Variants in CNIH3 observed in about 807,000 individuals in gnomAD.
The protein encoded by CNIH3 is protein cornichon homolog 3.
Under a neutral mutation model 24.1 loss-of-function variants are expected in CNIH3, and 14 were observed. The observed-to-expected ratio is 0.58, with a 90% confidence interval of 0.38 to 0.91. The LOEUF (loss-of-function observed/expected upper bound fraction) is 0.91. Among genes scored for constraint, CNIH3 ranks in the 40% least tolerant of loss-of-function variants. The pLI, the probability that CNIH3 is intolerant of heterozygous loss-of-function variation, is 0.00. For synonymous variants in CNIH3, 68 were observed against 73.8 expected, an observed-to-expected ratio of 0.92 and a Z score of 0.40; for missense variants, 178 against 196.8, an observed-to-expected ratio of 0.90 and a Z score of 0.57.
At chr1:224,590,686 C>A (rs548784634), downstream of CNIH3, among the ~76,000 whole-genome samples, 2 of 152,152 alleles carry the variant, frequency 1.3e-5, no homozygotes, top group Admixed American at 6.5e-5. Flanking sequence ...TAAACACCCC[C>A]CCTTAGGTCT....
chr1:224,503,655 C>T (rs1177398866), intron 1 of CNIH3, among the ~76,000 whole-genome samples: 2 of 152,238 alleles, frequency 1.3e-5, no homozygotes, highest in Non-Finnish European at 2.9e-5. Flanking sequence ...CCGCACAGGG[C>T]TGCCTGGTGT....
At chr1:224,533,486 A>G (rs1169446984) in intron 2 of CNIH3, among the ~76,000 whole-genome samples, 1 of 152,082 alleles carries the variant, frequency 6.6e-6, no homozygotes, top group African/African-American at 2.4e-5. Flanking sequence ...AAATCACCAC[A>G]AATTGGGTGG....
intron 3 of CNIH3, among the ~76,000 whole-genome samples, chr1:224,709,032 G>A (rs996216313): frequency 1.3e-5 from 2 of 152,224 alleles, no homozygotes; most frequent in African/African-American, 4.8e-5. Context: ...ATCAGCTGGA[G>A]TGGGTAGCTG....
chr1:224,550,070 T>A (rs1679853686), intron 3 of CNIH3, among the ~76,000 whole-genome samples: 1 of 152,084 alleles, frequency 6.6e-6, no homozygotes, highest in Non-Finnish European at 1.5e-5. Flanking sequence ...CTACAGTTGT[T>A]AATGTCACAG....
intron 1 of CNIH3, among the ~76,000 whole-genome samples, chr1:224,644,854 G>A (rs892354960): frequency 6.6e-6 from 1 of 152,226 alleles, no homozygotes; most frequent in Non-Finnish European, 1.5e-5. Context: ...TTGCTTAAGC[G>A]TAAGCAGCCA....
intron 1 of CNIH3, among the ~76,000 whole-genome samples, chr1:224,447,536 T>G (rs2102957482): frequency 6.6e-6 from 1 of 152,344 alleles, no homozygotes; most frequent in African/African-American, 2.4e-5. Context: ...GAAACAGTGC[T>G]TCACCAGTTC....
At chr1:224,724,530 C>T (rs574785269) in intron 3 of CNIH3, among the ~76,000 whole-genome samples, 5 of 152,304 alleles carry the variant, frequency 3.3e-5, no homozygotes, top group East Asian at 1.9e-4. Context: ...TGACTTCGTC[C>T]GGGGCATCCC....
At position 224,704,146 on chromosome 1, in the gene CNIH3, G is replaced by T. The variant is rs1687653110; in HGVS notation, c.198+19303G>T. Among the ~76,000 whole-genome samples, 1 of 149,602 alleles carries T rather than the reference G, an allele frequency of 6.7e-6. No homozygotes were observed. The highest frequency in any genetic ancestry group is 2.1e-4 in the South Asian group (1 of 4,826). ...AGGGTGGCAGGTGGAAGGACGGTGTGTGTCCTGCCTGGTGTGAGCAGGCTG... is the reference window on the plus strand; with the variant it reads ...AGGGTGGCAGGTGGAAGGACGGTGTTTGTCCTGCCTGGTGTGAGCAGGCTG... On this transcript the variant is annotated intron_variant, in intron 3 of 5. Coordinates refer to ENST00000272133, the MANE Select transcript of CNIH3 (RefSeq NM_152495.2). This position sits in a 1 kb window ranked among gnomAD's most constrained non-coding sequence, Gnocchi z 4.2.
chr1:224,723,221 G>A (rs1275007469), intron 3 of CNIH3, among the ~76,000 whole-genome samples: 1 of 152,186 alleles, frequency 6.6e-6, no homozygotes, highest in African/African-American at 2.4e-5. Flanking sequence ...AGCATGTGTG[G>A]CTGGTTGCTG....
chr1:224,546,459 G>A (rs576874311), intron 2 of CNIH3, among the ~76,000 whole-genome samples: 78 of 152,296 alleles, frequency 5.1e-4, no homozygotes, highest in East Asian at 1.9e-4. Context: ...AGCCCAGCAC[G>A]TTGTAGTCAA....
intron 1 of CNIH3, among the ~76,000 whole-genome samples, chr1:224,473,550 C>A (rs1454764138): frequency 6.6e-6 from 1 of 151,924 alleles, no homozygotes; most frequent in Non-Finnish European, 1.5e-5. Context: ...TAAAAAGCGA[C>A]AAAAAGGTCA....
intron 3 of CNIH3, among the ~76,000 whole-genome samples, chr1:224,713,254 G>A (rs2125205690): frequency 6.6e-6 from 1 of 152,274 alleles, no homozygotes; most frequent in Non-Finnish European, 1.5e-5. Context: ...TTGTTTTACT[G>A]AAAAGCCAAC....
chr1:224,719,943 A>G (rs1261138333), intron 3 of CNIH3, among the ~76,000 whole-genome samples: 1 of 152,222 alleles, frequency 6.6e-6, no homozygotes, highest in Non-Finnish European at 1.5e-5. Flanking sequence ...ACACATATGC[A>G]TGTGCTCGAA....
chr1:224,593,393 G>A (rs1312820712), downstream of CNIH3, among the ~76,000 whole-genome samples: 1 of 152,128 alleles, frequency 6.6e-6, no homozygotes, highest in African/African-American at 2.4e-5. Flanking sequence ...GGCCAAGCTG[G>A]TCCATACCTG....
upstream of CNIH3, chr1:224,615,431 G>A (rs1682910035): frequency 6.6e-6 from 1 of 152,196 alleles, no homozygotes. Flanking sequence ...TGGGCCACTG[G>A]GGGAAAGGGT....
intron 1 of CNIH3, among the ~76,000 whole-genome samples, chr1:224,452,781 CAAAAAAAAAAAA>C (rs1173499027): frequency 2.0e-4 from 9 of 44,304 alleles, no homozygotes; most frequent in African/African-American, 8.4e-4. Context: ...AACTCTGTCT[CAAAAAAAAAAAA>C]AAAAAAAAAG....
intron 3 of CNIH3, among the ~76,000 whole-genome samples, chr1:224,560,771 T>C (rs948024171): frequency 6.6e-6 from 1 of 152,100 alleles, no homozygotes; most frequent in Non-Finnish European, 1.5e-5. Flanking sequence ...CTTCATCATA[T>C]ATTACAATGT....
intron 2 of CNIH3, among the ~76,000 whole-genome samples, chr1:224,524,199 G>A (rs1678754651): frequency 6.6e-6 from 1 of 152,190 alleles, no homozygotes; most frequent in Non-Finnish European, 1.5e-5. Flanking sequence ...TGGAAATGGA[G>A]GACGACTGGC....
chr1:224,558,434 A>T (rs890960726), intron 3 of CNIH3, among the ~76,000 whole-genome samples: 1 of 152,156 alleles, frequency 6.6e-6, no homozygotes, highest in African/African-American at 2.4e-5. Flanking sequence ...TGGAATACCA[A>T]GCAGGGAAGT....
Sources: allele counts gnomAD v4.1 joint callset (sites outside exome capture counted in the v4.1 genomes callset), GRCh38; gene constraint gnomAD v4.1.1; non-coding constraint Gnocchi (gnomAD v3.1); transcripts MANE v1.5; gene names NCBI Gene and HGNC (gene_info 2026-07-23, HGNC 2026-07-21).